Variants in GARIN2 observed in about 807,000 individuals in gnomAD.
GARIN2 encodes golgi associated RAB2 interactor family member 2.
At chr14:67,225,972 C>CGT in the GARIN2 span, among the ~76,000 whole-genome samples, 3 of 107,324 alleles carry the variant, frequency 2.8e-5, no homozygotes, top group African/African-American at 6.1e-5. Flanking sequence ...TGCGCGCGCG[C>CGT]GCGTGCGCAT....
At chr14:67,218,953 G>A in the GARIN2 span, among the ~76,000 whole-genome samples, 1 of 151,996 alleles carries the variant, frequency 6.6e-6, no homozygotes, top group Non-Finnish European at 1.5e-5. Context: ...CACAGGTGGT[G>A]TTGTCGTGTT....
At chr14:67,199,955 G>C in the GARIN2 span, 31 of 1,303,402 alleles carry the variant, frequency 2.4e-5, 1 homozygote, top group South Asian at 4.7e-4. Flanking sequence ...TTCCCACCAG[G>C]AGGAGTGCCC....
the GARIN2 span, among the ~76,000 whole-genome samples, chr14:67,222,953 T>A: frequency 6.7e-6 from 1 of 150,268 alleles, no homozygotes; most frequent in East Asian, 1.9e-4. Context: ...CATTATAGAA[T>A]AGGTTTTTAC....
At chr14:67,204,648 A>C in the GARIN2 span, 11 of 1,613,804 alleles carry the variant, frequency 6.8e-6, no homozygotes, top group African/African-American at 1.2e-4. Context: ...GCACCTCTGC[A>C]TATAAACAGG....
the GARIN2 span, among the ~76,000 whole-genome samples, chr14:67,220,992 T>C: frequency 9.2e-5 from 14 of 152,270 alleles, no homozygotes; most frequent in South Asian, 2.9e-3. Context: ...ATTCAATACT[T>C]CCAAAATACT....
the GARIN2 span, among the ~76,000 whole-genome samples, chr14:67,220,520 G>A: frequency 6.6e-6 from 1 of 151,598 alleles, no homozygotes. Context: ...AATTTAAATT[G>A]AGCATCTTAA....
the GARIN2 span, among the ~76,000 whole-genome samples, chr14:67,226,996 A>G: frequency 6.6e-6 from 1 of 152,218 alleles, no homozygotes; most frequent in Non-Finnish European, 1.5e-5. Flanking sequence ...ATTTCTTTCA[A>G]GATAACTCAA....
chr14:67,219,841 A>C, the GARIN2 span, among the ~76,000 whole-genome samples: 2 of 152,218 alleles, frequency 1.3e-5, no homozygotes, highest in East Asian at 1.9e-4. Context: ...AAAACAAAAC[A>C]AAACAAATTT....
At chr14:67,191,807 G>A in the GARIN2 span, among the ~76,000 whole-genome samples, 3 of 152,094 alleles carry the variant, frequency 2.0e-5, no homozygotes, top group Non-Finnish European at 4.4e-5. Context: ...ACTAGCGTTG[G>A]TTTCCGATCT....
chr14:67,201,598 C>A, the GARIN2 span: 1 of 452,762 alleles, frequency 2.2e-6, no homozygotes, highest in Non-Finnish European at 4.4e-6. Context: ...ACTGCTGAAA[C>A]CAGTCACTGG....
At chr14:67,205,365 A>G in the GARIN2 span, among the ~76,000 whole-genome samples, 1 of 152,154 alleles carries the variant, frequency 6.6e-6, no homozygotes, top group Non-Finnish European at 1.5e-5. Flanking sequence ...ACCAAGTTAG[A>G]CTCTCAACCT....
chr14:67,226,931 G>C, the GARIN2 span, among the ~76,000 whole-genome samples: 1 of 152,134 alleles, frequency 6.6e-6, no homozygotes, highest in Non-Finnish European at 1.5e-5. Context: ...CATCCACCTA[G>C]ACAGAGTCTG....
chr14:67,200,519 T>G, the GARIN2 span: 4 of 285,776 alleles, frequency 1.4e-5, no homozygotes, highest in Non-Finnish European at 2.6e-5. Flanking sequence ...ATTTTGCAAA[T>G]GCACAGAGAA....
At chr14:67,206,887 G>A in the GARIN2 span, among the ~76,000 whole-genome samples, 1 of 151,830 alleles carries the variant, frequency 6.6e-6, no homozygotes, top group Non-Finnish European at 1.5e-5. Flanking sequence ...CCCACCACAC[G>A]CCCAGTTAAT....
At chr14:67,200,120 G>A in the GARIN2 span, 25 of 1,066,516 alleles carry the variant, frequency 2.3e-5, no homozygotes, top group Admixed American at 4.0e-4. Flanking sequence ...ATGCCCCCCC[G>A]AAGGCCTCCA....
the GARIN2 span, among the ~76,000 whole-genome samples, chr14:67,193,357 TATATA>T: frequency 0.014 from 1,949 of 137,442 alleles, 29 homozygotes; most frequent in Non-Finnish European, 0.022. Context: ...TATATAGAGA[TATATA>T]ATCTATCTAT....
chr14:67,193,562 T>TATCTATATATAG, the GARIN2 span, among the ~76,000 whole-genome samples: 2 of 144,784 alleles, frequency 1.4e-5, no homozygotes, highest in African/African-American at 5.0e-5. Flanking sequence ...TATAGATCTA[T>TATCTATATATAG]ATCTATATAG....
At chr14:67,205,224 TAGTG>T in the GARIN2 span, 1 of 856,724 alleles carries the variant, frequency 1.2e-6, no homozygotes, top group Middle Eastern at 3.6e-4. Context: ...CTAATTTTAA[TAGTG>T]AGATTAAATC....
chr14:67,228,191 T>C, the GARIN2 span, among the ~76,000 whole-genome samples: 1 of 151,632 alleles, frequency 6.6e-6, no homozygotes, highest in Non-Finnish European at 1.5e-5. Flanking sequence ...AAAAAGAAAT[T>C]AAGTTTAATA....
Sources: allele counts gnomAD v4.1 joint callset (sites outside exome capture counted in the v4.1 genomes callset), GRCh38; gene constraint gnomAD v4.1.1; transcripts MANE v1.5; gene names NCBI Gene and HGNC (gene_info 2026-07-23, HGNC 2026-07-21).